CFAP107: variants seen among roughly 807,000 people sequenced by gnomAD.
The protein encoded by CFAP107 is cilia- and flagella-associated protein 107.
the CFAP107 span, chr1:12,760,782 A>G: frequency 2.7e-4 from 435 of 1,613,552 alleles, 1 homozygote; most frequent in Non-Finnish European, 3.1e-4. Context: ...CCCCCTACAA[A>G]CTATGGACTC....
At chr1:12,761,024 AAGT>A in the CFAP107 span, 2 of 1,398,976 alleles carry the variant, frequency 1.4e-6, no homozygotes, top group Non-Finnish European at 1.9e-6. Context: ...GCCAGACAAC[AAGT>A]GGCGCAGATA....
At chr1:12,748,708 C>A in the CFAP107 span, among the ~76,000 whole-genome samples, 1 of 151,714 alleles carries the variant, frequency 6.6e-6, no homozygotes, top group Admixed American at 6.6e-5. Context: ...AGTGGCCCAT[C>A]CAAAGGAAGA....
chr1:12,755,942 C>CA, the CFAP107 span: 56 of 637,108 alleles, frequency 8.8e-5, no homozygotes, highest in Non-Finnish European at 1.5e-4. Flanking sequence ...AATACCCTCC[C>CA]AGCCCGGGGG....
chr1:12,749,941 G>T, the CFAP107 span, among the ~76,000 whole-genome samples: 1 of 152,182 alleles, frequency 6.6e-6, no homozygotes, highest in African/African-American at 2.4e-5. Context: ...AGGTAAATAT[G>T]TAGACAAACT....
the CFAP107 span, chr1:12,761,107 T>TC: frequency 4.5e-6 from 3 of 661,914 alleles, no homozygotes; most frequent in African/African-American, 1.8e-5. Flanking sequence ...GCGGTACCTG[T>TC]CCCCCCTCAA....
At chr1:12,751,770 T>C in the CFAP107 span, among the ~76,000 whole-genome samples, 7 of 152,154 alleles carry the variant, frequency 4.6e-5, no homozygotes, top group African/African-American at 1.7e-4. Context: ...AAGTGTAAAA[T>C]AATTACCAAC....
At chr1:12,759,251 A>G in the CFAP107 span, 1 of 1,569,340 alleles carries the variant, frequency 6.4e-7, no homozygotes, top group South Asian at 1.2e-5. Context: ...TGTCTCCACC[A>G]TGGCCAGGTG....
chr1:12,757,648 ACTG>A, the CFAP107 span, among the ~76,000 whole-genome samples: 675 of 152,052 alleles, frequency 4.4e-3, 3 homozygotes, highest in African/African-American at 0.016. Flanking sequence ...GGCCTCTCAA[ACTG>A]CTGGGATTAC....
the CFAP107 span, among the ~76,000 whole-genome samples, chr1:12,756,781 C>T: frequency 2.0e-5 from 3 of 152,158 alleles, no homozygotes; most frequent in Non-Finnish European, 2.9e-5. Context: ...TTCAGCTCAG[C>T]GGCCCGAGGT....
the CFAP107 span, chr1:12,746,470 C>A: frequency 6.2e-7 from 1 of 1,613,830 alleles, no homozygotes. Flanking sequence ...ACTCTCTACT[C>A]CGAGCTGGCA....
At chr1:12,759,469 T>G in the CFAP107 span, 4 of 1,614,112 alleles carry the variant, frequency 2.5e-6, no homozygotes, top group Non-Finnish European at 3.4e-6. Flanking sequence ...GCCAGAGAAG[T>G]CTGACTTTCC....
chr1:12,761,787 G>A, the CFAP107 span: 86 of 152,324 alleles, frequency 5.6e-4, no homozygotes, highest in East Asian at 7.0e-3. Flanking sequence ...CGCCTGCCTC[G>A]GCCTCCCAAA....
the CFAP107 span, among the ~76,000 whole-genome samples, chr1:12,757,740 C>A: frequency 9.2e-5 from 14 of 152,088 alleles, no homozygotes; most frequent in East Asian, 2.3e-3. Flanking sequence ...GGGATGGGGC[C>A]CTGAACATAA....
the CFAP107 span, chr1:12,761,191 C>G: frequency 4.4e-6 from 2 of 453,428 alleles, no homozygotes; most frequent in African/African-American, 2.0e-5. Context: ...TGTACGTGCA[C>G]AAGACAGATT....
chr1:12,748,461 TAAA>T, the CFAP107 span, among the ~76,000 whole-genome samples: 1 of 121,982 alleles, frequency 8.2e-6, no homozygotes. Flanking sequence ...GTAGGGGAAT[TAAA>T]AAAAAAAAAA....
At chr1:12,749,109 G>GA in the CFAP107 span, among the ~76,000 whole-genome samples, 1 of 152,048 alleles carries the variant, frequency 6.6e-6, no homozygotes, top group Non-Finnish European at 1.5e-5. Flanking sequence ...AAGAGTATTT[G>GA]AAAAAATAGT....
At chr1:12,754,561 C>T in the CFAP107 span, among the ~76,000 whole-genome samples, 10 of 152,200 alleles carry the variant, frequency 6.6e-5, no homozygotes, top group East Asian at 1.5e-3. Context: ...TGTACATTCA[C>T]ATTAATAGTA....
chr1:12,761,191 C>T, the CFAP107 span: 3 of 453,310 alleles, frequency 6.6e-6, no homozygotes, highest in Non-Finnish European at 1.2e-5. Flanking sequence ...TGTACGTGCA[C>T]AAGACAGATT....
At chr1:12,758,017 C>T in the CFAP107 span, among the ~76,000 whole-genome samples, 6 of 152,174 alleles carry the variant, frequency 3.9e-5, no homozygotes, top group African/African-American at 1.4e-4. Context: ...CCCACAAAAA[C>T]TATTCACACT....
Sources: allele counts gnomAD v4.1 joint callset (sites outside exome capture counted in the v4.1 genomes callset), GRCh38; gene constraint gnomAD v4.1.1; transcripts MANE v1.5; gene names NCBI Gene and HGNC (gene_info 2026-07-23, HGNC 2026-07-21).